STOX2: variants seen among roughly 807,000 people sequenced by gnomAD.
STOX2 encodes the protein storkhead-box protein 2.
Under a neutral mutation model 60.9 loss-of-function variants are expected in STOX2, and 28 were observed. That is an observed-to-expected ratio of 0.46 (90% CI 0.34 to 0.63). The LOEUF is 0.63. STOX2 is among the 30% of genes least tolerant of loss of function. The pLI, the probability that STOX2 is intolerant of heterozygous loss-of-function variation, is 0.01. For missense variants in STOX2, 1,024 were observed against 1,187.7 expected, an observed-to-expected ratio of 0.86 and a Z score of 2.03; for synonymous variants, 472 against 463.9, an observed-to-expected ratio of 1.02 and a Z score of -0.22.
At chr4:183,946,292 C>T (rs1317259828) in intron 1 of STOX2, among the ~76,000 whole-genome samples, 1 of 152,162 alleles carries the variant, frequency 6.6e-6, no homozygotes, top group Non-Finnish European at 1.5e-5. Flanking sequence ...GTCTCAGTTT[C>T]CTCACTCGCA....
At chr4:183,995,310 TTTTTTTTTTTTTTG>T (rs769019327) in intron 1 of STOX2, among the ~76,000 whole-genome samples, 33,458 of 111,996 alleles carry the variant, frequency 0.3, 4,359 homozygotes, top group Middle Eastern at 0.4. Flanking sequence ...TTTTTTTTTT[TTTTTTTTTTTTTTG>T]CACAAATAGA....
chr4:183,998,857 AG>A (rs1484482278), intron 1 of STOX2, among the ~76,000 whole-genome samples: 1 of 151,776 alleles, frequency 6.6e-6, no homozygotes, highest in Non-Finnish European at 1.5e-5. Context: ...TAGGTTTTAG[AG>A]TAAGACTTCA....
At chr4:183,804,029 T>C (rs1191476494) in intron 1 of STOX2, among the ~76,000 whole-genome samples, 1 of 152,168 alleles carries the variant, frequency 6.6e-6, no homozygotes, top group African/African-American at 2.4e-5. Flanking sequence ...GCTGTAAAAA[T>C]TAAGCACTTG....
intron 1 of STOX2, among the ~76,000 whole-genome samples, chr4:183,876,611 G>T (rs763546855): frequency 3.9e-5 from 6 of 152,254 alleles, no homozygotes; most frequent in Admixed American, 3.9e-4. Context: ...GGCCCCACCT[G>T]TATGGAGGCA....
At chr4:183,841,593 T>C (rs1165637461) in intron 1 of STOX2, among the ~76,000 whole-genome samples, 1 of 152,204 alleles carries the variant, frequency 6.6e-6, no homozygotes. Flanking sequence ...CTTCTTATTT[T>C]AAAATGAGGT....
At chr4:183,867,276 T>C (rs905408978) in intron 1 of STOX2, among the ~76,000 whole-genome samples, 1 of 152,238 alleles carries the variant, frequency 6.6e-6, no homozygotes, top group Non-Finnish European at 1.5e-5. Context: ...CAGAAGGTTT[T>C]GAAACTCCCA....
In STOX2 at chr4:184,010,914, C is replaced by T. The variant is rs1734130131; in HGVS notation, c.2076C>T (p.Asp692=). 1.2e-6 allele frequency: 2 copies of T among 1,613,258 alleles called. No individual in the cohort carries two copies. Among genetic ancestry groups the T allele is most frequent in the East Asian group, 4.5e-5 (2 of 44,880 alleles). ...QHHGAEPSSL[D]KRKEIFSKDT... ...ATGGTGCCGAGCCCAGCAGCTTGGA[C>T]AAGAGGAAAGAGATATTTAGCAAAG... is the stretch of plus-strand genomic sequence containing the variant. The change falls in exon 3 of 4, where the codon GAC becomes GAT. Residue 692 remains aspartate, a synonymous_variant. Coordinates refer to ENST00000308497, the MANE Select transcript of STOX2 (RefSeq NM_020225.3). The surrounding 1 kb of genome is among the most constrained non-coding windows in gnomAD (Gnocchi z 4.5).
rs779485095 is a variant in STOX2 at position 183,821,386 on chromosome 4, C to T, written c.364+23331C>T. ...TAGAGGATCTTTTATAAAGAACAAACGAAAGCATTACACTGATATTATTCA... is the reference window on the plus strand; with the variant it reads ...TAGAGGATCTTTTATAAAGAACAAATGAAAGCATTACACTGATATTATTCA... On this transcript the variant is annotated intron_variant, in intron 1 of 2. Transcript: ENST00000513034. The surrounding 1 kb of genome is among the most constrained non-coding windows in gnomAD (Gnocchi z 4.2). Among the ~76,000 whole-genome samples the T allele has an allele frequency of 4.6e-5, 7 of 152,186 alleles. No homozygotes were observed. Among genetic ancestry groups the T allele is most frequent in the Admixed American group, 3.3e-4 (5 of 15,282 alleles).
chr4:183,874,873 C>A (rs1227698855), intron 1 of STOX2, among the ~76,000 whole-genome samples: 3 of 127,382 alleles, frequency 2.4e-5, no homozygotes, highest in African/African-American at 3.1e-5. Flanking sequence ...TTGCAGTGAG[C>A]CAAGATCATG....
At chr4:183,846,243 C>T (rs972988249) in intron 1 of STOX2, among the ~76,000 whole-genome samples, 4 of 152,218 alleles carry the variant, frequency 2.6e-5, no homozygotes, top group East Asian at 3.9e-4. Context: ...TTTTGTATTT[C>T]GACAGTTACA....
intron 2 of STOX2, among the ~76,000 whole-genome samples, chr4:184,007,510 C>T (rs1436461732): frequency 6.6e-6 from 1 of 152,180 alleles, no homozygotes; most frequent in Non-Finnish European, 1.5e-5. Flanking sequence ...TCACCTCAGC[C>T]CTGTGGCTAC....
chr4:183,843,290 C>T (rs1739911830), intron 1 of STOX2, among the ~76,000 whole-genome samples: 1 of 152,156 alleles, frequency 6.6e-6, no homozygotes, highest in Non-Finnish European at 1.5e-5. Context: ...CTTGGCCACA[C>T]AGTTCACACA....
Position 183,821,190 on chromosome 4 carries a change from C to G in STOX2, c.364+23135C>G, listed in dbSNP as rs2111110669. On this transcript the variant is annotated intron_variant, in intron 1 of 2. Coordinates refer to the STOX2 transcript ENST00000513034. This position sits in a 1 kb window ranked among gnomAD's most constrained non-coding sequence, Gnocchi z 4.2. ...GTTCCTGGCCCTCCTTTCCTGATGCCAATCTAATATAGCATAACGACTTAA... is the reference window on the plus strand; with the variant it reads ...GTTCCTGGCCCTCCTTTCCTGATGCGAATCTAATATAGCATAACGACTTAA... Among the ~76,000 whole-genome samples the G allele has an allele frequency of 6.6e-6, 1 of 152,264 alleles. No homozygotes were observed. Among genetic ancestry groups the G allele is most frequent in the South Asian group, 2.1e-4 (1 of 4,822 alleles).
chr4:183,816,873 A>C (rs1739165534), intron 1 of STOX2, among the ~76,000 whole-genome samples: 1 of 152,206 alleles, frequency 6.6e-6, no homozygotes, highest in South Asian at 2.1e-4. Context: ...GTCTGCCAAA[A>C]CTTCTTTGCA....
intron 1 of STOX2, among the ~76,000 whole-genome samples, chr4:183,990,578 A>ATTTTTTTTTTTTT (rs57369052): frequency 2.4e-5 from 2 of 82,482 alleles, no homozygotes; most frequent in Admixed American, 1.3e-4. Flanking sequence ...AAAAAGCAGG[A>ATTTTTTTTTTTTT]TTTTTTTTTT....
intron 1 of STOX2, among the ~76,000 whole-genome samples, chr4:183,857,147 G>A (rs1052825393): frequency 5.3e-5 from 8 of 151,878 alleles, no homozygotes; most frequent in South Asian, 2.1e-4. Flanking sequence ...TGGTTATCCC[G>A]CAGGACTGGT....
intron 1 of STOX2, among the ~76,000 whole-genome samples, chr4:183,957,630 G>T (rs1743288990): frequency 6.6e-6 from 1 of 152,132 alleles, no homozygotes; most frequent in Middle Eastern, 3.2e-3. Context: ...TTCCCGATTT[G>T]ACCACAGAAA....
intron 1 of STOX2, among the ~76,000 whole-genome samples, chr4:183,855,141 C>A (rs1740256764): frequency 6.6e-6 from 1 of 152,214 alleles, no homozygotes; most frequent in Non-Finnish European, 1.5e-5. Context: ...TTAATTCCCA[C>A]AGCTGTCGAA....
intron 1 of STOX2, among the ~76,000 whole-genome samples, chr4:183,803,171 G>A (rs760488816): frequency 1.3e-5 from 2 of 152,068 alleles, no homozygotes; most frequent in African/African-American, 2.4e-5. Context: ...AGAATAGCAC[G>A]GGAAAGATCC....
Sources: allele counts gnomAD v4.1 joint callset (sites outside exome capture counted in the v4.1 genomes callset), GRCh38; gene constraint gnomAD v4.1.1; non-coding constraint Gnocchi (gnomAD v3.1); transcripts MANE v1.5; gene names NCBI Gene and HGNC (gene_info 2026-07-23, HGNC 2026-07-21).